STX7: variants seen among roughly 807,000 people sequenced by gnomAD.
STX7 encodes the protein syntaxin-7.
A neutral mutation model predicts 39.6 loss-of-function variants in STX7; 34 were observed. The observed-to-expected ratio is 0.86, with a 90% CI of 0.65 to 1.14. The LOEUF is 1.14. STX7 is among the 50% of genes most tolerant of loss of function. STX7 has a pLI of 0.00. For missense variants in STX7, 284 were observed against 310.4 expected, an observed-to-expected ratio of 0.92 and a Z score of 0.64; for synonymous variants, 119 against 99.1, an observed-to-expected ratio of 1.20 and a Z score of -1.19.
intron 2 of STX7, among the ~76,000 whole-genome samples, chr6:132,481,659 T>A (rs985572160): frequency 9.9e-5 from 15 of 152,270 alleles, no homozygotes; most frequent in African/African-American, 3.6e-4. Context: ...TGCATTTAAC[T>A]AATGAGAGCT....
intron 2 of STX7, among the ~76,000 whole-genome samples, chr6:132,476,435 G>A (rs946098507): frequency 8.6e-5 from 13 of 151,930 alleles, no homozygotes; most frequent in Admixed American, 4.6e-4. Flanking sequence ...ATTTAAAGAC[G>A]TCAATGTCAC....
intron 5 of STX7, 64 bp downstream of exon 5, chr6:132,471,399 G>C: frequency 1.3e-6 from 2 of 1,527,072 alleles, no homozygotes; most frequent in Non-Finnish European, 1.8e-6. Flanking sequence ...TGCTACTATA[G>C]ACTTTTATGG....
intron 2 of STX7, among the ~76,000 whole-genome samples, chr6:132,500,100 C>T (rs1254505700): frequency 3.9e-5 from 6 of 152,180 alleles, no homozygotes; most frequent in African/African-American, 9.7e-5. Flanking sequence ...AGCCAGCATC[C>T]GAGCTCTCCC....
chr6:132,476,543 A>G (rs923693834), intron 2 of STX7, among the ~76,000 whole-genome samples: 2 of 152,180 alleles, frequency 1.3e-5, no homozygotes, highest in Non-Finnish European at 2.9e-5. Flanking sequence ...TGGATTCTGA[A>G]TCAGGAAAAA....
At chr6:132,486,979 C>T (rs917976312) in intron 2 of STX7, among the ~76,000 whole-genome samples, 11 of 152,042 alleles carry the variant, frequency 7.2e-5, no homozygotes, top group Admixed American at 5.9e-4. Context: ...GTAGTGTTCT[C>T]TTCTTTTACT....
chr6:132,492,779 G>A (rs1374427127), intron 2 of STX7, among the ~76,000 whole-genome samples: 2 of 152,102 alleles, frequency 1.3e-5, no homozygotes, highest in Admixed American at 6.6e-5. Context: ...CCTAATACAA[G>A]GCACAAAGTA....
chr6:132,499,082 T>C (rs1775488067), intron 2 of STX7, among the ~76,000 whole-genome samples: 1 of 152,228 alleles, frequency 6.6e-6, no homozygotes, highest in Admixed American at 6.5e-5. Context: ...GTACCACACG[T>C]AGCCTCACCT....
intron 8 of STX7, among the ~76,000 whole-genome samples, chr6:132,466,939 C>A (rs145523152): frequency 2.0e-5 from 3 of 152,154 alleles, no homozygotes; most frequent in African/African-American, 7.2e-5. Context: ...TAAATCTTTT[C>A]GGCTGTCCAC....
rs983630809 is a variant in STX7 at position 132,456,093 on chromosome 6, G to A, written c.*4665C>T. 3 of 152,052 alleles carry A rather than the reference G, an allele frequency of 2.0e-5. No individual in the cohort carries two copies. The East Asian group carries it at 5.8e-4, about 29-fold the overall frequency. The allele number at this position is 152,052 out of a possible 1,614,324, so 9.4% of individuals were successfully genotyped here. A position where few individuals can be genotyped will look rare whatever the true frequency, so the allele number is the denominator to read the frequency against. ...ATATCCTGTAAATGTCTGTCCTGAT[G>A]ATCAGGATGCCCAAGCTCTGAATCC... On this transcript the variant is annotated 3_prime_UTR_variant, in exon 10 of 10. Transcript: ENST00000367941.
rs1404619649 is a variant in STX7 at position 132,509,449 on chromosome 6, C to CAAAATAAAAT, written c.-59+3557_-59+3558insATTTTATTTT. 4.1e-4 allele frequency among the ~76,000 whole-genome samples: 13 copies of CAAAATAAAAT among 32,064 alleles called. 2 individuals are homozygous for CAAAATAAAAT. Among genetic ancestry groups the CAAAATAAAAT allele is most frequent in the African/African-American group, 1.7e-3 (12 of 6,882 alleles). 21.0% of individuals were successfully genotyped at this position (32,064 alleles called of 152,430 possible). On this transcript the variant is annotated intron_variant, in intron 1 of 9. Coordinates refer to ENST00000367941, the MANE Select transcript of STX7 (RefSeq NM_003569.3). ...CCCGGCGACAGAGCGAGACTCGTCT[C>CAAAATAAAAT]AAAATAACATAACATAACATAACAT...
intron 8 of STX7, among the ~76,000 whole-genome samples, chr6:132,467,807 T>C (rs1250996471): frequency 6.6e-6 from 1 of 152,176 alleles, no homozygotes; most frequent in African/African-American, 2.4e-5. Context: ...ATGGTCAGGA[T>C]CCTGATGAAT....
chr6:132,462,582 GGTGT>G (rs71952617), intron 9 of STX7, among the ~76,000 whole-genome samples: 42,314 of 144,778 alleles, frequency 0.29, 6,339 homozygotes, highest in East Asian at 0.52. Context: ...CATTTGCAGG[GGTGT>G]GTGTGTGTGT....
intron 2 of STX7, among the ~76,000 whole-genome samples, chr6:132,486,663 G>GTT (rs1775139429): frequency 3.1e-5 from 4 of 129,832 alleles, no homozygotes; most frequent in Admixed American, 1.5e-4. Context: ...TTTTTTTCTG[G>GTT]GTTTTTTTTT....
Position 132,460,095 on chromosome 6 carries a change from C to T in STX7, c.*663G>A, listed in dbSNP as rs536016408. 1.7e-3 allele frequency: 253 copies of T among 152,194 alleles called. 2 individuals carry two copies. The highest frequency in any genetic ancestry group is 6.0e-3 in the African/African-American group (248 of 41,528). The allele number at this position is 152,194 out of a possible 1,614,324, so 9.4% of individuals were successfully genotyped here. The stretch of plus-strand genomic sequence containing the variant: ...CCCGTAAACATCAGACTTAAATAGA[C>T]CATATGTAAAAACAACCTATCCTTA... On this transcript the variant is annotated 3_prime_UTR_variant, in exon 10 of 10. Coordinates refer to ENST00000367941, the MANE Select transcript of STX7 (RefSeq NM_003569.3).
In STX7 at chr6:132,452,441, CT is replaced by C. The variant is rs1774154031; in HGVS notation, c.*8316del. On this transcript the variant is annotated 3_prime_UTR_variant, in exon 10 of 10. Transcript: ENST00000367941. ...ATAGGTCAGAAATGAAGAGATAAAA[CT>C]ATTCATTATTTGCAGATGACATGAC... The C allele has an allele frequency of 6.6e-6, 1 of 151,292 alleles. No homozygotes were observed. Among genetic ancestry groups the C allele is most frequent in the Non-Finnish European group, 1.5e-5 (1 of 67,836 alleles). The allele number at this position is 151,292 out of a possible 1,614,324, so 9.4% of individuals were successfully genotyped here.
intron 2 of STX7, among the ~76,000 whole-genome samples, chr6:132,488,378 C>T (rs1252184122): frequency 1.3e-5 from 2 of 152,174 alleles, no homozygotes; most frequent in Non-Finnish European, 2.9e-5. Context: ...ATAGACTGTT[C>T]TATAAGTGGC....
At chr6:132,490,962 A>G (rs1775264750) in intron 2 of STX7, among the ~76,000 whole-genome samples, 1 of 149,992 alleles carries the variant, frequency 6.7e-6, no homozygotes, top group Non-Finnish European at 1.5e-5. Context: ...ACAGTCCCTC[A>G]GTGCAGCACA....
rs1582639544 is a variant in STX7, at chr6:132,456,931, T to C, written c.*3827A>G. ...CCTCAGAGGCCACTGCAGACAGAAGTGTAGGCGGGCAGAGGACATGAGTTT... is the reference window on the plus strand; with the variant it reads ...CCTCAGAGGCCACTGCAGACAGAAGCGTAGGCGGGCAGAGGACATGAGTTT... On this transcript the variant is annotated 3_prime_UTR_variant, in exon 10 of 10. Coordinates refer to ENST00000367941, the MANE Select transcript of STX7 (RefSeq NM_003569.3). The C allele has an allele frequency of 6.6e-6, 1 of 152,280 alleles. No individual in the cohort carries two copies. The highest frequency in any genetic ancestry group is 1.5e-5 in the Non-Finnish European group (1 of 68,086). 9.4% of individuals were successfully genotyped at this position (152,280 alleles called of 1,614,324 possible).
In STX7 at chr6:132,458,382, C is replaced by T. The variant is rs1233785890; in HGVS notation, c.*2376G>A. 1 of 152,212 alleles carries T rather than the reference C, an allele frequency of 6.6e-6. No homozygotes were observed. The highest frequency in any genetic ancestry group is 1.5e-5 in the Non-Finnish European group (1 of 68,044). 9.4% of individuals were successfully genotyped at this position (152,212 alleles called of 1,614,324 possible). A position where few individuals can be genotyped will look rare whatever the true frequency, so the allele number is the denominator to read the frequency against. On this transcript the variant is annotated 3_prime_UTR_variant, in exon 10 of 10. Coordinates refer to ENST00000367941, the MANE Select transcript of STX7 (RefSeq NM_003569.3). ...ATGACATCACTCTTTTACCATCAAT[C>T]ATATTGCAAAACCATAGTATTTAAC...
Sources: allele counts gnomAD v4.1 joint callset (sites outside exome capture counted in the v4.1 genomes callset), GRCh38; gene constraint gnomAD v4.1.1; transcripts MANE v1.5; gene names NCBI Gene and HGNC (gene_info 2026-07-23, HGNC 2026-07-21).